Variants in TMEM245 observed in about 807,000 individuals in gnomAD.
TMEM245 encodes the protein transmembrane protein 245, also known as protein CG-2.
TMEM245 carries 69 observed loss-of-function variants against 101.2 expected under a neutral mutation model. The observed-to-expected ratio is 0.68, with a 90% CI of 0.56 to 0.83. The LOEUF (loss-of-function observed/expected upper bound fraction) is 0.83. TMEM245 is among the 40% of genes least tolerant of loss of function. The pLI is 0.00. For missense variants in TMEM245, 1,075 were observed against 1,092.8 expected (o/e 0.98, Z 0.23); for synonymous variants, 537 against 449.8 (o/e 1.19, Z -2.45).
chr9:109,041,340 C>G (rs1304250672), intron 14 of TMEM245, among the ~76,000 whole-genome samples: 1 of 150,520 alleles, frequency 6.6e-6, no homozygotes, highest in East Asian at 2.0e-4. Context: ...TCCTGGAGGA[C>G]ATTATGGTAA....
chr9:109,056,792 T>G (rs1331985681), intron 12 of TMEM245, among the ~76,000 whole-genome samples: 1 of 152,198 alleles, frequency 6.6e-6, no homozygotes, highest in East Asian at 1.9e-4. Context: ...TTAGGAATGC[T>G]GCAGACTGCA....
At chr9:109,066,287 C>CTACTAAAAAA (rs1375290412) in intron 9 of TMEM245, among the ~76,000 whole-genome samples, 1 of 151,804 alleles carries the variant, frequency 6.6e-6, no homozygotes, top group Admixed American at 6.6e-5. Context: ...AACCCCGTCT[C>CTACTAAAAAA]TACTAAAAAA....
chr9:109,019,215 G>A lies in TMEM245; in HGVS notation c.*1245C>T, dbSNP rs1044905. 33,462 of 152,078 alleles carry A rather than the reference G, an allele frequency of 0.22. 4,497 individuals are homozygous for A. The highest frequency in any genetic ancestry group is 0.3 in the Admixed American group (4,579 of 15,272). The allele number at this position is 152,078 out of a possible 1,614,324, so 9.4% of individuals were successfully genotyped here. A position where few individuals can be genotyped will look rare whatever the true frequency, so the allele number is the denominator to read the frequency against. ...ACAAATGGATAGCAACACCAATCTC[G>A]TAACACTGGGAAAACTGCATACAAT... On this transcript the variant is annotated 3_prime_UTR_variant, in exon 18 of 18. Coordinates refer to ENST00000374586, the MANE Select transcript of TMEM245 (RefSeq NM_032012.4).
chr9:109,030,783 G>T (rs1400420747), intron 17 of TMEM245, among the ~76,000 whole-genome samples: 1 of 152,118 alleles, frequency 6.6e-6, no homozygotes, highest in East Asian at 1.9e-4. Flanking sequence ...TAAGGATCAC[G>T]CATTGGCTAA....
intron 3 of TMEM245, among the ~76,000 whole-genome samples, chr9:109,106,231 T>TAAAATAAAAATATTTTATTTTATA (rs1830418567): frequency 1.3e-5 from 2 of 151,672 alleles, no homozygotes; most frequent in Non-Finnish European, 2.9e-5. Flanking sequence ...CACTAAAAAA[T>TAAAATAAAAATATTTTATTTTATA]AAAATAAAAA....
chr9:109,036,215 T>A lies in TMEM245; in HGVS notation c.2390A>T (p.Asp797Val). 1 of 1,606,676 alleles carries A rather than the reference T, an allele frequency of 6.2e-7. No homozygotes were observed. Among genetic ancestry groups the A allele is most frequent in the Non-Finnish European group, 8.5e-7 (1 of 1,178,208 alleles). Residue 797 changes from aspartate to valine, a missense_variant, in exon 16 of 18, where the codon GAC (aspartate) becomes GTC (valine). Asp to Val is a radical substitution (Grantham distance 152). Transcript: ENST00000374586. Reference protein sequence around the residue: ...TYFVDTAIYSDISGGGHPYLT... With the variant: ...TYFVDTAIYSVISGGGHPYLT... ...TCTGTGGCTTACTTACCCTGATATG[T>A]CAGAGTAGATTGCAGTATCTACAAA... is the stretch of plus-strand genomic sequence containing the variant.
At chr9:109,076,791 A>G (rs904134663) in intron 8 of TMEM245, among the ~76,000 whole-genome samples, 1 of 152,146 alleles carries the variant, frequency 6.6e-6, no homozygotes. Context: ...CCAAGGCTCA[A>G]GCAGTCTTCC....
At chr9:109,076,547 TTC>T (rs1457612508) in intron 8 of TMEM245, among the ~76,000 whole-genome samples, 9 of 152,154 alleles carry the variant, frequency 5.9e-5, no homozygotes, top group African/African-American at 2.2e-4. Context: ...AAAGTTAAAG[TTC>T]TTATTTTAAA....
At chr9:109,114,216 T>C (rs1830647121) in intron 1 of TMEM245, among the ~76,000 whole-genome samples, 1 of 152,222 alleles carries the variant, frequency 6.6e-6, no homozygotes, top group Non-Finnish European at 1.5e-5. Context: ...AACCATTCTC[T>C]TTGTCATATG....
chr9:109,022,445 C>T (rs1018576415), intron 17 of TMEM245, among the ~76,000 whole-genome samples: 2 of 148,590 alleles, frequency 1.3e-5, no homozygotes, highest in African/African-American at 5.0e-5. Flanking sequence ...GATTTGTATA[C>T]GCACATGTAT....
chr9:109,093,604 C>A lies in TMEM245; in HGVS notation c.800-13G>T. 1.2e-6 allele frequency: 2 copies of A among 1,604,522 alleles called. No homozygotes were observed. The highest frequency in any genetic ancestry group is 2.2e-5 in the East Asian group (1 of 44,816). On this transcript the variant is annotated splice_polypyrimidine_tract_variant and intron_variant, in intron 3 of 17. Transcript: ENST00000374586. ...GGTAACTCTGCCCCTGTAAAAGAAG[C>A]ATCCATTTTCAAAACTCTTTAAAGT...
At chr9:109,037,492 C>A (rs1023746929) in intron 15 of TMEM245, among the ~76,000 whole-genome samples, 1 of 152,154 alleles carries the variant, frequency 6.6e-6, no homozygotes, top group Admixed American at 6.6e-5. Context: ...TGGATCATGG[C>A]GGGTGGATTT....
At chr9:109,082,284 G>C (rs937572429) in intron 7 of TMEM245, among the ~76,000 whole-genome samples, 2 of 152,148 alleles carry the variant, frequency 1.3e-5, no homozygotes, top group African/African-American at 4.8e-5. Context: ...GCTTCAAACA[G>C]AAGAGTTAAT....
At chr9:109,034,655 C>T (rs544546852) in intron 16 of TMEM245, among the ~76,000 whole-genome samples, 8 of 152,100 alleles carry the variant, frequency 5.3e-5, no homozygotes, top group African/African-American at 2.4e-5. Flanking sequence ...CATGTTTCCC[C>T]GGCTGGTCTT....
Position 109,087,193 on chromosome 9 carries a change from A to C in TMEM245, c.1300T>G (p.Leu434Val). The change falls in exon 6 of 18, where the codon TTG becomes GTG. Residue 434 changes from leucine to valine, a missense_variant. By Grantham distance (32) the Leu-to-Val change is conservative (BLOSUM62 1). This residue lies in a region of TMEM245 where 808 missense variants were observed against 741.5 expected (regional missense o/e 1.09). Transcript: ENST00000374586. ...AATACCTTGCTATCAACTTTTAACA[A>C]GAATTTTCCAAGCCCGACAATGGGC... The part of the protein sequence containing the change: ...PWPIVGLGKF[L>V]LKVDSKLWHW... 1 of 1,608,118 alleles carries C rather than the reference A, an allele frequency of 6.2e-7. No individual in the cohort carries two copies. Among genetic ancestry groups the C allele is most frequent in the Non-Finnish European group, 8.5e-7 (1 of 1,178,614 alleles).
At chr9:109,110,234 T>C (rs2132655525) in intron 1 of TMEM245, among the ~76,000 whole-genome samples, 1 of 152,280 alleles carries the variant, frequency 6.6e-6, no homozygotes, top group Non-Finnish European at 1.5e-5. Context: ...ACAATAATAG[T>C]ACACTTATAT....
intron 14 of TMEM245, among the ~76,000 whole-genome samples, chr9:109,048,919 T>C (rs1049146134): frequency 5.9e-5 from 9 of 152,222 alleles, no homozygotes; most frequent in African/African-American, 2.2e-4. Context: ...ACAACGATTC[T>C]GCATTTCCAG....
rs751739620 is a variant in TMEM245, at chr9:109,083,901, C to CAAAAAAAAAAAAAAAAAAAAAAAAAAA, written c.1344+2069_1344+2095dup. ...CAAAACCCCATCTCTACTAAAAATA[C>CAAAAAAAAAAAAAAAAAAAAAAAAAAA]AAAAAAAAAAAAAAAAAAAAAAAAA... On this transcript the variant is annotated intron_variant, in intron 7 of 17. Coordinates refer to ENST00000374586, the MANE Select transcript of TMEM245 (RefSeq NM_032012.4). 8.7e-4 allele frequency among the ~76,000 whole-genome samples: 30 copies of CAAAAAAAAAAAAAAAAAAAAAAAAAAA among 34,472 alleles called. 8 individuals carry two copies. The highest frequency in any genetic ancestry group is 2.8e-3 in the East Asian group (2 of 722). 22.6% of individuals were successfully genotyped at this position (34,472 alleles called of 152,430 possible).
chr9:109,072,344 T>C (rs1350065357), intron 9 of TMEM245, among the ~76,000 whole-genome samples: 1 of 152,234 alleles, frequency 6.6e-6, no homozygotes, highest in South Asian at 2.1e-4. Context: ...AGATATGCTG[T>C]TTGAGCACAA....
Sources: allele counts gnomAD v4.1 joint callset (sites outside exome capture counted in the v4.1 genomes callset), GRCh38; gene constraint gnomAD v4.1.1; regional missense constraint gnomAD v4.1.1; transcripts MANE v1.5; gene names NCBI Gene and HGNC (gene_info 2026-07-23, HGNC 2026-07-21).